The following VPS13B variants were observed in gnomAD, a reference collection of about 807,000 sequenced individuals.
The protein encoded by VPS13B is vacuolar protein sorting 13 homolog B, also known as intermembrane lipid transfer protein VPS13B.
VPS13B carries 285 observed loss-of-function variants against 426.4 expected under a neutral mutation model. That is an observed-to-expected ratio of 0.67 (90% confidence interval 0.61 to 0.74). VPS13B has a LOEUF of 0.74. VPS13B is among the 30% of genes least tolerant of loss of function. VPS13B has a pLI of 0.00. For missense variants in VPS13B, 4,537 were observed against 4,782.6 expected, an observed-to-expected ratio of 0.95 and a Z score of 1.51; for synonymous variants, 1,676 against 1,676.4, an observed-to-expected ratio of 1.00 and a Z score of 0.01.
chr8:99,378,947 C>A (rs866664066), intron 19 of VPS13B, among the ~76,000 whole-genome samples: 1 of 152,102 alleles, frequency 6.6e-6, no homozygotes, highest in Non-Finnish European at 1.5e-5. Context: ...ACCTCTGGGC[C>A]GTGGACCAGT....
chr8:99,426,083 C>T (rs887749181), intron 21 of VPS13B, among the ~76,000 whole-genome samples: 2 of 131,492 alleles, frequency 1.5e-5, no homozygotes, highest in Non-Finnish European at 3.2e-5. Context: ...CCACCACAGT[C>T]CCCAGAGTGT....
chr8:99,509,613 C>G (rs532386364), intron 28 of VPS13B, among the ~76,000 whole-genome samples: 7 of 152,066 alleles, frequency 4.6e-5, no homozygotes, highest in Admixed American at 4.6e-4. Flanking sequence ...TAATATAGCT[C>G]AGACTCATTA....
rs578197292 is a variant in VPS13B, at chr8:99,876,005, G to A, written c.*339G>A. 37 of 357,202 alleles carry A rather than the reference G, an allele frequency of 1.0e-4. No individual in the cohort carries two copies. In the East Asian group the frequency reaches 2.5e-3, roughly 24 times the overall value. 22.1% of individuals were successfully genotyped at this position (357,202 alleles called of 1,614,324 possible). The stretch of plus-strand genomic sequence containing the variant: ...CCCCACTTAGAGACAATGATTAACA[G>A]GGCCCTATATGTTCTTACCACATAC... On this transcript the variant is annotated 3_prime_UTR_variant, in exon 62 of 62. Transcript: ENST00000357162.
intron 19 of VPS13B, among the ~76,000 whole-genome samples, chr8:99,321,107 C>T (rs1809954968): frequency 6.6e-6 from 1 of 151,974 alleles, no homozygotes; most frequent in African/African-American, 2.4e-5. Context: ...CTATAAATTA[C>T]TAAAAAACTA....
chr8:99,421,082 CTTAGA>C (rs1229422879), intron 21 of VPS13B, among the ~76,000 whole-genome samples: 2 of 152,152 alleles, frequency 1.3e-5, no homozygotes, highest in Non-Finnish European at 2.9e-5. Context: ...AAACCTGACA[CTTAGA>C]TTAAATTCAT....
chr8:99,409,349 A>G (rs118087017), intron 21 of VPS13B, among the ~76,000 whole-genome samples: 79 of 152,166 alleles, frequency 5.2e-4, no homozygotes, highest in Non-Finnish European at 4.7e-4. Context: ...AAATGGCATA[A>G]AGGAATTAGT....
At chr8:99,541,530 G>A (rs1041967738) in intron 30 of VPS13B, among the ~76,000 whole-genome samples, 2 of 152,072 alleles carry the variant, frequency 1.3e-5, no homozygotes, top group African/African-American at 2.4e-5. Flanking sequence ...CCCGGTGTGT[G>A]ATGTTCCCCT....
chr8:99,652,396 A>G (rs771314472), intron 34 of VPS13B, among the ~76,000 whole-genome samples: 1 of 152,192 alleles, frequency 6.6e-6, no homozygotes, highest in Non-Finnish European at 1.5e-5. Context: ...CACAAGGCTC[A>G]ATGACTATTA....
Position 99,050,718 on chromosome 8 carries a change from G to C in VPS13B, c.291+12152G>C, listed in dbSNP as rs190453392. Among the ~76,000 whole-genome samples the C allele has an allele frequency of 6.3e-3, 963 of 152,118 alleles. 8 individuals carry two copies. Among genetic ancestry groups the C allele is most frequent in the African/African-American group, 0.022 (904 of 41,500 alleles). ...CTGTTGTTTCCTGACTTTTTAATGA[G>C]TGCCATTCTAACTGGTGTGAGATGG... On this transcript the variant is annotated intron_variant, in intron 3 of 61. Coordinates refer to ENST00000357162, the MANE Select transcript of VPS13B (RefSeq NM_152564.5).
chr8:99,863,712 G>A lies in VPS13B; in HGVS notation c.11215+1766G>A, dbSNP rs115153344. On this transcript the variant is annotated intron_variant, in intron 58 of 61. Transcript: ENST00000357162. ...TTTCTGGGCGTGGGTCCTGTTGACC[G>A]GGTAAGTCATAATGCTCTGATCTTT... is the stretch of plus-strand genomic sequence containing the variant. Among the ~76,000 whole-genome samples, 470 of 152,306 alleles carry A rather than the reference G, an allele frequency of 3.1e-3. 6 individuals are homozygous for A. Among genetic ancestry groups the A allele is most frequent in the African/African-American group, 0.011 (446 of 41,554 alleles).
intron 19 of VPS13B, among the ~76,000 whole-genome samples, chr8:99,360,210 CTTTCTTTCTTTCTT>C (rs1382441560): frequency 3.8e-4 from 8 of 21,146 alleles, no homozygotes; most frequent in African/African-American, 1.0e-3. Flanking sequence ...CTCTCTCTCT[CTTTCTTTCTTTCTT>C]TCTTTCTTTC....
At chr8:99,173,649 A>G (rs1347078044) in intron 16 of VPS13B, among the ~76,000 whole-genome samples, 2 of 152,166 alleles carry the variant, frequency 1.3e-5, no homozygotes, top group East Asian at 3.9e-4. Flanking sequence ...TGGGATGTTA[A>G]TTCTCTTATC....
intron 35 of VPS13B, among the ~76,000 whole-genome samples, chr8:99,689,787 C>A (rs558506893): frequency 2.6e-4 from 40 of 152,172 alleles, no homozygotes; most frequent in Non-Finnish European, 5.3e-4. Context: ...TCTATGGATG[C>A]TTTGCCAGTC....
At chr8:99,707,404 A>C (rs78156698) in intron 36 of VPS13B, among the ~76,000 whole-genome samples, 15,843 of 152,164 alleles carry the variant, frequency 0.1, 909 homozygotes, top group African/African-American at 0.15. Flanking sequence ...CTTTGTATAT[A>C]TTCCTTTCCC....
At chr8:99,634,981 A>G (rs1043086924) in intron 33 of VPS13B, among the ~76,000 whole-genome samples, 8 of 152,070 alleles carry the variant, frequency 5.3e-5, no homozygotes, top group Admixed American at 5.2e-4. Flanking sequence ...TTCTATTTAT[A>G]TAAAGCTTCC....
intron 17 of VPS13B, among the ~76,000 whole-genome samples, chr8:99,217,365 C>A (rs1054455936): frequency 6.6e-6 from 1 of 152,088 alleles, no homozygotes; most frequent in Non-Finnish European, 1.5e-5. Context: ...AAGGACACAG[C>A]ATGTTTGAGT....
intron 33 of VPS13B, among the ~76,000 whole-genome samples, chr8:99,633,764 G>A (rs956150217): frequency 6.7e-6 from 1 of 149,402 alleles, no homozygotes; most frequent in African/African-American, 2.5e-5. Context: ...CTTATGTAGA[G>A]GCATCTGTTT....
intron 15 of VPS13B, among the ~76,000 whole-genome samples, chr8:99,160,929 AGCC>A (rs1811615112): frequency 6.6e-6 from 1 of 152,196 alleles, no homozygotes; most frequent in Non-Finnish European, 1.5e-5. Context: ...GTTTTTGCAA[AGCC>A]TTTTTTCTCA....
intron 3 of VPS13B, among the ~76,000 whole-genome samples, chr8:99,039,415 T>C (rs140248222): frequency 3.3e-5 from 5 of 152,242 alleles, no homozygotes; most frequent in African/African-American, 1.2e-4. Flanking sequence ...TAATATTGGT[T>C]TTAAAGAGTT....
Sources: allele counts gnomAD v4.1 joint callset (sites outside exome capture counted in the v4.1 genomes callset), GRCh38; gene constraint gnomAD v4.1.1; transcripts MANE v1.5; gene names NCBI Gene and HGNC (gene_info 2026-07-23, HGNC 2026-07-21).